RNF216: variants seen among roughly 807,000 people sequenced by gnomAD.
RNF216 encodes ring finger protein 216, also known as E3 ubiquitin-protein ligase RNF216.
Under a neutral mutation model 110.8 loss-of-function variants are expected in RNF216, and 72 were observed. That is an observed-to-expected ratio of 0.65 (90% CI 0.54 to 0.79). The LOEUF is 0.79. Ranked by LOEUF, RNF216 falls within the 30% of genes least tolerant of loss-of-function variation. The probability of loss-of-function intolerance (pLI) is 0.00; values close to 1 mark genes in which losing one functional copy is unlikely to be tolerated. For synonymous variants in RNF216, 495 were observed against 407.5 expected, an observed-to-expected ratio of 1.21 and a Z score of -2.59; for missense variants, 1,342 against 1,141.2, an observed-to-expected ratio of 1.18 and a Z score of -2.54.
intron 13 of RNF216, among the ~76,000 whole-genome samples, chr7:5,691,627 A>G (rs951303710): frequency 6.6e-6 from 1 of 152,206 alleles, no homozygotes; most frequent in African/African-American, 2.4e-5. Context: ...GGCAACATGT[A>G]TGGCAAAGCA....
chr7:5,735,977 C>T (rs1010743888), intron 5 of RNF216, among the ~76,000 whole-genome samples: 7 of 152,212 alleles, frequency 4.6e-5, no homozygotes, highest in African/African-American at 1.7e-4. Context: ...CCTGTAATCC[C>T]AGCTACTTGG....
At chr7:5,711,234 T>C (rs1373632319) in intron 13 of RNF216, among the ~76,000 whole-genome samples, 4 of 152,222 alleles carry the variant, frequency 2.6e-5, no homozygotes, top group Non-Finnish European at 5.9e-5. Flanking sequence ...GCAACAGTAA[T>C]GCACCTAGAC....
intron 1 of RNF216, among the ~76,000 whole-genome samples, chr7:5,763,746 A>AT (rs1240918125): frequency 6.6e-6 from 1 of 151,974 alleles, no homozygotes; most frequent in Non-Finnish European, 1.5e-5. Flanking sequence ...AATTTTTAAA[A>AT]TTTTTTTGTA....
At position 5,754,119 on chromosome 7, in the gene RNF216, G is replaced by GGTGT. The variant is rs10543449; in HGVS notation, c.68-1144_68-1141dup. ...AAGCTGTAATGTTTTTCTTTTGTGTGGTGTGTGTGTGTGTGTGTGTGTGTG... is the reference window on the plus strand; with the variant it reads ...AAGCTGTAATGTTTTTCTTTTGTGTGGTGTGTGTGTGTGTGTGTGTGTGTGTGTG... On this transcript the variant is annotated intron_variant, in intron 2 of 16. Transcript: ENST00000389902. Among the ~76,000 whole-genome samples, 495 of 142,080 alleles carry GGTGT rather than the reference G, an allele frequency of 3.5e-3. 1 individual carries two copies. Among genetic ancestry groups the GGTGT allele is most frequent in the Middle Eastern group, 0.01 (3 of 292 alleles). The allele number at this position is 142,080 out of a possible 152,430, so 93.2% of individuals were successfully genotyped here.
chr7:5,640,573 G>GT (rs1787677046), intron 15 of RNF216, among the ~76,000 whole-genome samples: 1 of 152,078 alleles, frequency 6.6e-6, no homozygotes, highest in African/African-American at 2.4e-5. Flanking sequence ...CTAAAATACT[G>GT]TATTTTTAAA....
In RNF216 at chr7:5,741,439, G is replaced by A; in HGVS notation, c.578C>T (p.Pro193Leu). ...EGSLLYTESD[P>L]LETQNQSSED... ...GGATGACTGGTTCTGAGTTTCCAAA[G>A]GATCGCTTTCTGTGTAAAGAAGGCT... Residue 193 changes from proline (P) to leucine (L), a missense_variant, in exon 4 of 17, where the codon CCT becomes CTT. Physicochemically the swap from Pro to Leu is moderately conservative, Grantham distance 98. Coordinates refer to ENST00000389902, the MANE Select transcript of RNF216 (RefSeq NM_207111.4). The A allele has an allele frequency of 6.2e-7, 1 of 1,614,152 alleles. No homozygotes were observed. Among genetic ancestry groups the A allele is most frequent in the Non-Finnish European group, 8.5e-7 (1 of 1,180,014 alleles).
In RNF216 at chr7:5,722,540, GCCA is replaced by G. The variant is rs1469595170; in HGVS notation, c.1505-1371_1505-1369del. ...CGAGTAGCTGGGACTACAGGCGCCC[GCCA>G]CCATGCCCGGCTAATTTTTTGTATT... On this transcript the variant is annotated intron_variant, in intron 8 of 16. Transcript: ENST00000389902. Among the ~76,000 whole-genome samples the G allele has an allele frequency of 2.0e-5, 3 of 151,560 alleles. No homozygotes were observed. The East Asian group carries it at 5.9e-4, about 30-fold the overall frequency.
chr7:5,628,282 T>G (rs1206494609), intron 15 of RNF216, among the ~76,000 whole-genome samples: 1 of 152,118 alleles, frequency 6.6e-6, no homozygotes, highest in Non-Finnish European at 1.5e-5. Context: ...ACAGTCTGGT[T>G]TGTATTTCAC....
chr7:5,706,094 C>T (rs980632354), intron 13 of RNF216, among the ~76,000 whole-genome samples: 6 of 151,852 alleles, frequency 4.0e-5, no homozygotes, highest in African/African-American at 1.5e-4. Flanking sequence ...GTGGCATGTG[C>T]CTGTAGTCCC....
intron 13 of RNF216, among the ~76,000 whole-genome samples, chr7:5,687,749 G>A (rs1791081905): frequency 6.6e-6 from 1 of 152,186 alleles, no homozygotes; most frequent in African/African-American, 2.4e-5. Flanking sequence ...GGAAGGAGAA[G>A]ATAAGTGAAT....
chr7:5,767,801 G>A (rs1371718402), intron 1 of RNF216, among the ~76,000 whole-genome samples: 1 of 152,110 alleles, frequency 6.6e-6, no homozygotes, highest in Non-Finnish European at 1.5e-5. Flanking sequence ...ACTTTGTTAT[G>A]TTGGCCAGGG....
intron 3 of RNF216, among the ~76,000 whole-genome samples, chr7:5,749,141 G>A (rs1310011415): frequency 1.5e-5 from 2 of 134,166 alleles, no homozygotes; most frequent in Non-Finnish European, 3.1e-5. Flanking sequence ...CAGCAAAAAT[G>A]CCCATGTATT....
intron 13 of RNF216, among the ~76,000 whole-genome samples, chr7:5,655,530 T>TG (rs1395346462): frequency 2.0e-5 from 3 of 151,756 alleles, no homozygotes; most frequent in East Asian, 1.9e-4. Flanking sequence ...TGCTTGAACC[T>TG]GGGGGGCGGA....
chr7:5,700,193 T>G (rs1235295130), intron 13 of RNF216, among the ~76,000 whole-genome samples: 1 of 152,130 alleles, frequency 6.6e-6, no homozygotes, highest in Non-Finnish European at 1.5e-5. Flanking sequence ...CAGTGCTCTG[T>G]GCTGAGAATG....
At chr7:5,656,911 A>G (rs1294693565) in intron 13 of RNF216, among the ~76,000 whole-genome samples, 2 of 152,218 alleles carry the variant, frequency 1.3e-5, no homozygotes, top group Non-Finnish European at 2.9e-5. Flanking sequence ...CTCCAAGCCC[A>G]GCAAGTGTGA....
At chr7:5,647,762 C>T (rs181423075) in intron 14 of RNF216, among the ~76,000 whole-genome samples, 87 of 152,268 alleles carry the variant, frequency 5.7e-4, no homozygotes, top group African/African-American at 2.0e-3. Flanking sequence ...CTACCAAGAC[C>T]TGTTGATTTT....
At position 5,727,354 on chromosome 7, in the gene RNF216, C is replaced by T. The variant is rs549273754; in HGVS notation, c.1390-1916G>A. Among the ~76,000 whole-genome samples, 106 of 152,338 alleles carry T rather than the reference C, an allele frequency of 7.0e-4. 1 individual carries two copies. The highest frequency in any genetic ancestry group is 2.5e-3 in the African/African-American group (102 of 41,572). ...ATTTGGCATCTATCCTGCCTTTGCA[C>T]TTACTAATCTATGCTTATTATTGAG... On this transcript the variant is annotated intron_variant, in intron 7 of 16. Transcript: ENST00000389902.
Position 5,780,572 on chromosome 7 carries a change from C to A in RNF216, c.-70+969G>T, listed in dbSNP as rs553131493. On this transcript the variant is annotated intron_variant, in intron 1 of 16. Coordinates refer to ENST00000389902, the MANE Select transcript of RNF216 (RefSeq NM_207111.4). ...ATTAGCTGGACGTGGTGGCAAATGC[C>A]TGTAATCCCAGCTGAGGCAATCCCT... Among the ~76,000 whole-genome samples, 11 of 152,152 alleles carry A rather than the reference C, an allele frequency of 7.2e-5. No homozygotes were observed. In the South Asian group the frequency reaches 2.1e-3, roughly 29 times the overall value.
At chr7:5,735,399 A>G (rs556448775) in intron 5 of RNF216, among the ~76,000 whole-genome samples, 23 of 152,332 alleles carry the variant, frequency 1.5e-4, no homozygotes, top group African/African-American at 4.8e-4. Context: ...ACATATCAGA[A>G]CAATCAAACT....
Sources: gnomAD v4.1 joint callset for allele counts (sites outside exome capture counted in the v4.1 genomes callset) on GRCh38, gnomAD v4.1.1 for gene constraint, MANE v1.5 for transcripts, NCBI Gene and HGNC (gene_info 2026-07-23, HGNC 2026-07-21) for gene names.